Variants in MTMR7 observed in about 807,000 individuals in gnomAD.
The protein encoded by MTMR7 is phosphatidylinositol-3-phosphate phosphatase MTMR7.
Under a neutral mutation model 81.2 loss-of-function variants are expected in MTMR7, and 76 were observed. The ratio of observed to expected loss-of-function variants is 0.94; its 90% CI spans 0.78 to 1.13. The LOEUF (loss-of-function observed/expected upper bound fraction) is 1.13, where lower values mean the gene tolerates loss of function less well. Ranked by LOEUF, MTMR7 falls within the 50% of genes most tolerant of loss-of-function variation. MTMR7 has a pLI of 0.00. For missense variants in MTMR7, 1,044 were observed against 820.0 expected (o/e 1.27, Z -3.34); for synonymous variants, 372 against 289.8 (o/e 1.28, Z -2.88).
intron 1 of MTMR7, among the ~76,000 whole-genome samples, chr8:17,388,953 T>C (rs752053295): frequency 1.2e-4 from 19 of 152,146 alleles, no homozygotes; most frequent in Non-Finnish European, 1.6e-4. Flanking sequence ...GGCCCTAAAG[T>C]GTCCATCATT....
intron 12 of MTMR7, among the ~76,000 whole-genome samples, chr8:17,303,644 T>C (rs932192322): frequency 2.6e-5 from 4 of 151,518 alleles, no homozygotes; most frequent in Non-Finnish European, 4.4e-5. Context: ...AGTTTTGCTC[T>C]TGTTGCCCAG....
chr8:17,348,813 A>C (rs1335549668), intron 5 of MTMR7, 140 bp downstream of exon 5: 1 of 968,664 alleles, frequency 1.0e-6, no homozygotes, highest in Non-Finnish European at 1.6e-6. Context: ...GTATCATGTC[A>C]TACCATGCAC....
intron 10 of MTMR7, among the ~76,000 whole-genome samples, chr8:17,307,363 G>T (rs550267297): frequency 6.6e-6 from 1 of 152,110 alleles, no homozygotes; most frequent in Non-Finnish European, 1.5e-5. Flanking sequence ...TTAGAATGGC[G>T]ATCATTAAAA....
chr8:17,387,793 C>G (rs375588160), intron 1 of MTMR7, among the ~76,000 whole-genome samples: 1 of 152,044 alleles, frequency 6.6e-6, no homozygotes, highest in African/African-American at 2.4e-5. Context: ...AAATAAATCA[C>G]CCAAACTTCC....
intron 3 of MTMR7, among the ~76,000 whole-genome samples, chr8:17,365,125 G>A (rs1820186314): frequency 6.6e-6 from 1 of 152,104 alleles, no homozygotes; most frequent in Non-Finnish European, 1.5e-5. Flanking sequence ...GTTGTGAGGC[G>A]ATACCTCACT....
chr8:17,404,882 G>T (rs995275857), intron 1 of MTMR7, among the ~76,000 whole-genome samples: 4 of 152,200 alleles, frequency 2.6e-5, no homozygotes, highest in Non-Finnish European at 4.4e-5. Context: ...CTGGAGTGCA[G>T]CGGCGCGATC....
chr8:17,377,031 C>T (rs1169225660), intron 1 of MTMR7, among the ~76,000 whole-genome samples: 1 of 151,622 alleles, frequency 6.6e-6, no homozygotes, highest in Non-Finnish European at 1.5e-5. Flanking sequence ...TTTTTCCCGC[C>T]ATAATTGTTA....
intron 6 of MTMR7, among the ~76,000 whole-genome samples, chr8:17,339,152 C>A (rs1819336929): frequency 6.6e-6 from 1 of 152,126 alleles, no homozygotes; most frequent in African/African-American, 2.4e-5. Context: ...TAGACCGTGT[C>A]TATAATTACC....
At chr8:17,412,754 C>A (rs1044629169) in intron 1 of MTMR7, among the ~76,000 whole-genome samples, 3 of 152,196 alleles carry the variant, frequency 2.0e-5, no homozygotes, top group Non-Finnish European at 4.4e-5. Context: ...AGGCCCCTTG[C>A]AGCTGCTACG....
chr8:17,335,246 T>C (rs760693130), intron 6 of MTMR7, among the ~76,000 whole-genome samples: 1 of 152,096 alleles, frequency 6.6e-6, no homozygotes, highest in African/African-American at 2.4e-5. Context: ...GAGTGTCTCA[T>C]TGATGGCCAC....
chr8:17,325,377 C>T (rs570933402), intron 7 of MTMR7, among the ~76,000 whole-genome samples: 82 of 152,208 alleles, frequency 5.4e-4, no homozygotes, highest in Non-Finnish European at 2.5e-4. Flanking sequence ...AAAACCTTTG[C>T]GTGGAAGAAC....
At chr8:17,397,145 G>T (rs758477397) in intron 1 of MTMR7, among the ~76,000 whole-genome samples, 7 of 151,880 alleles carry the variant, frequency 4.6e-5, no homozygotes, top group Non-Finnish European at 7.4e-5. Flanking sequence ...CACATTTGCA[G>T]CTGTGGAGGC....
At chr8:17,359,584 T>TTAAAAA (rs368724837) in intron 4 of MTMR7, among the ~76,000 whole-genome samples, 15 of 135,610 alleles carry the variant, frequency 1.1e-4, no homozygotes, top group Non-Finnish European at 2.0e-4. Flanking sequence ...CCTGTTTCCT[T>TTAAAAA]AAAAAAAAAA....
chr8:17,346,973 T>G (rs1819575068), intron 5 of MTMR7, among the ~76,000 whole-genome samples: 1 of 142,816 alleles, frequency 7.0e-6, no homozygotes, highest in Non-Finnish European at 1.5e-5. Context: ...GGCAGGCAGA[T>G]CACTTGAGCA....
Position 17,299,748 on chromosome 8 carries a change from A to AAAT in MTMR7, c.*113_*114insATT, listed in dbSNP as rs1257107067. On this transcript the variant is annotated 3_prime_UTR_variant, in exon 14 of 14. Coordinates refer to ENST00000180173, the MANE Select transcript of MTMR7 (RefSeq NM_004686.5). Reference sequence around the variant, plus strand: ...TTTTTCCCTTTTCATAGCTGCATTAAAGTAGTTCTCAATGACATGCACCAT... The same window carrying AAAT: ...TTTTTCCCTTTTCATAGCTGCATTAAAATAGTAGTTCTCAATGACATGCACCAT... 1 of 1,445,752 alleles carries AAAT rather than the reference A, an allele frequency of 6.9e-7. No individual in the cohort carries two copies. Among genetic ancestry groups the AAAT allele is most frequent in the Non-Finnish European group, 9.4e-7 (1 of 1,067,860 alleles). The allele number at this position is 1,445,752 out of a possible 1,614,324, so 89.6% of individuals were successfully genotyped here.
intron 3 of MTMR7, among the ~76,000 whole-genome samples, chr8:17,367,654 A>T (rs1207498481): frequency 1.3e-5 from 2 of 152,196 alleles, no homozygotes; most frequent in Non-Finnish European, 2.9e-5. Flanking sequence ...TAATAATTTG[A>T]TTTACCTTAT....
Position 17,302,372 on chromosome 8 carries a change from T to C in MTMR7, c.1494-92A>G. Reference sequence around the variant, plus strand: ...TTCTAAGGTATCTATGATACCACAGTCTTAATAATAACCAAATGCAAATTT... The same window carrying C: ...TTCTAAGGTATCTATGATACCACAGCCTTAATAATAACCAAATGCAAATTT... On this transcript the variant is annotated intron_variant, in intron 12 of 13. Coordinates refer to ENST00000180173, the MANE Select transcript of MTMR7 (RefSeq NM_004686.5). 3.0e-6 allele frequency: 4 copies of C among 1,345,196 alleles called. No individual in the cohort carries two copies. In the South Asian group the frequency reaches 6.5e-5, roughly 22 times the overall value. The allele number at this position is 1,345,196 out of a possible 1,614,324, so 83.3% of individuals were successfully genotyped here. A position where few individuals can be genotyped will look rare whatever the true frequency, so the allele number is the denominator to read the frequency against.
At chr8:17,406,251 C>T (rs1821579203) in intron 1 of MTMR7, among the ~76,000 whole-genome samples, 4 of 152,128 alleles carry the variant, frequency 2.6e-5, no homozygotes, top group African/African-American at 7.2e-5. Context: ...AGTCATATAA[C>T]TGACTAAGGA....
chr8:17,384,427 A>G (rs1018233783), intron 1 of MTMR7, among the ~76,000 whole-genome samples: 5 of 152,108 alleles, frequency 3.3e-5, no homozygotes, highest in African/African-American at 1.2e-4. Context: ...ATAAATAAAT[A>G]AATAATTATT....
Sources: allele counts gnomAD v4.1 joint callset (sites outside exome capture counted in the v4.1 genomes callset), GRCh38; gene constraint gnomAD v4.1.1; transcripts MANE v1.5; gene names NCBI Gene and HGNC (gene_info 2026-07-23, HGNC 2026-07-21).